MLIP: variants seen among roughly 807,000 people sequenced by gnomAD.
The protein encoded by MLIP is muscular LMNA interacting protein, also known as muscular LMNA-interacting protein.
In MLIP, 79 loss-of-function variants were observed where a neutral mutation model predicts 84.8. That is an observed-to-expected ratio of 0.93 (90% confidence interval 0.78 to 1.12). The LOEUF is 1.12. Ranked by LOEUF, MLIP falls within the 50% of genes most tolerant of loss-of-function variation. MLIP has a pLI of 0.00. For missense variants in MLIP, 1,257 were observed against 1,160.6 expected (o/e 1.08, Z -1.21); for synonymous variants, 504 against 463.0 (o/e 1.09, Z -1.14).
upstream of MLIP, among the ~76,000 whole-genome samples, chr6:54,107,704 C>T (rs188610280): frequency 4.3e-4 from 66 of 152,288 alleles, no homozygotes; most frequent in East Asian, 7.7e-4. Context: ...GCTCCCGTCA[C>T]GAGTGAAGGT....
In MLIP at chr6:54,139,017, G is replaced by A. The variant is rs553828576; in HGVS notation, c.2217+731G>A. Among the ~76,000 whole-genome samples the A allele has an allele frequency of 5.2e-4, 79 of 152,272 alleles. 1 individual carries two copies. The South Asian group carries it at 0.015, about 29-fold the overall frequency. On this transcript the variant is annotated intron_variant, in intron 4 of 13. Transcript: ENST00000502396. The stretch of plus-strand genomic sequence containing the variant: ...TCACTTTTCAGATGATGAATGTCAC[G>A]TTGAAGGGATAAAGTGACCCTCATT...
chr6:54,168,479 A>G (rs747880538), intron 8 of MLIP, among the ~76,000 whole-genome samples: 13 of 151,822 alleles, frequency 8.6e-5, no homozygotes, highest in Non-Finnish European at 1.2e-4. Context: ...TCTAACATAT[A>G]ATTCACGTAT....
chr6:54,115,904 T>G (rs1383774400), intron 1 of MLIP, among the ~76,000 whole-genome samples: 1 of 152,218 alleles, frequency 6.6e-6, no homozygotes, highest in Non-Finnish European at 1.5e-5. Flanking sequence ...GAACCATGTT[T>G]TAGTTATAAC....
chr6:54,114,935 G>A (rs971361838), intron 1 of MLIP, among the ~76,000 whole-genome samples: 2 of 152,164 alleles, frequency 1.3e-5, no homozygotes, highest in Non-Finnish European at 2.9e-5. Context: ...GTGGTGTTGG[G>A]GGCCTTGAAA....
At chr6:54,263,751 T>C (rs1026458147) in intron 13 of MLIP, among the ~76,000 whole-genome samples, 4 of 152,090 alleles carry the variant, frequency 2.6e-5, no homozygotes, top group African/African-American at 9.7e-5. Context: ...AGTTTGACTG[T>C]GTTCCAGAAT....
At chr6:54,258,669 G>C (rs1335301648) in intron 13 of MLIP, among the ~76,000 whole-genome samples, 1 of 151,972 alleles carries the variant, frequency 6.6e-6, no homozygotes, top group East Asian at 1.9e-4. Flanking sequence ...AGTTTATTGA[G>C]AGGTTACTAT....
intron 11 of MLIP, among the ~76,000 whole-genome samples, chr6:54,224,210 C>A (rs1190982375): frequency 2.0e-5 from 3 of 151,680 alleles, no homozygotes; most frequent in Admixed American, 6.6e-5. Context: ...GTTAGTTAAA[C>A]AGATCAATAA....
chr6:54,138,382 T>C (rs1772009250), intron 4 of MLIP, 96 bp downstream of exon 4: 6 of 1,402,402 alleles, frequency 4.3e-6, no homozygotes, highest in South Asian at 1.5e-5. Context: ...ATAGTATTAA[T>C]TGTACTCCTA....
At chr6:54,098,811 C>T (rs1011882896) in intron 1 of MLIP, among the ~76,000 whole-genome samples, 4 of 152,080 alleles carry the variant, frequency 2.6e-5, no homozygotes, top group East Asian at 1.9e-4. Context: ...GTTCCAAAGG[C>T]GTATGTAACT....
At chr6:54,070,996 C>T (rs1766450178) in intron 1 of MLIP, among the ~76,000 whole-genome samples, 1 of 151,878 alleles carries the variant, frequency 6.6e-6, no homozygotes, top group East Asian at 1.9e-4. Context: ...CATCATGGAC[C>T]CATTGAATGC....
intron 10 of MLIP, among the ~76,000 whole-genome samples, chr6:54,198,811 G>A (rs1778470558): frequency 6.6e-6 from 1 of 152,036 alleles, no homozygotes; most frequent in Non-Finnish European, 1.5e-5. Context: ...GAGACACAGT[G>A]GGAATTTGAT....
chr6:54,189,605 A>C (rs1307252822), intron 9 of MLIP, among the ~76,000 whole-genome samples: 1 of 152,204 alleles, frequency 6.6e-6, no homozygotes, highest in African/African-American at 2.4e-5. Context: ...ATGTTAAGAA[A>C]ATGAGAAAGA....
intron 8 of MLIP, among the ~76,000 whole-genome samples, chr6:54,168,115 A>G (rs1330898711): frequency 2.6e-5 from 4 of 151,694 alleles, no homozygotes; most frequent in Non-Finnish European, 4.4e-5. Flanking sequence ...CAGATTTTTT[A>G]TTGTCCTTTA....
chr6:54,207,421 T>A (rs1204535662), intron 11 of MLIP, among the ~76,000 whole-genome samples: 1 of 90,152 alleles, frequency 1.1e-5, no homozygotes, highest in African/African-American at 3.5e-5. Flanking sequence ...CCCCCCCCCC[T>A]TTTTTGACAT....
At chr6:54,134,647 T>A (rs1410815520) in intron 3 of MLIP, among the ~76,000 whole-genome samples, 1 of 152,052 alleles carries the variant, frequency 6.6e-6, no homozygotes, top group African/African-American at 2.4e-5. Flanking sequence ...GAAGCCATAG[T>A]TTTGAGGAAA....
chr6:54,202,036 T>C, intron 10 of MLIP, 69 bp from the exon 11 acceptor site: 3 of 1,148,990 alleles, frequency 2.6e-6, no homozygotes, highest in Non-Finnish European at 3.5e-6. Context: ...GACTTAACAA[T>C]AAACATATTT....
At chr6:54,199,398 C>G (rs1002473734) in intron 10 of MLIP, among the ~76,000 whole-genome samples, 2 of 152,036 alleles carry the variant, frequency 1.3e-5, no homozygotes, top group African/African-American at 4.8e-5. Context: ...GATGATCTAT[C>G]TAAAATATTG....
intron 3 of MLIP, among the ~76,000 whole-genome samples, chr6:54,134,499 T>A (rs183108217): frequency 9.9e-5 from 15 of 151,932 alleles, no homozygotes; most frequent in Non-Finnish European, 1.9e-4. Flanking sequence ...ATGGTAAACA[T>A]CTTTAGACTT....
At chr6:54,207,271 TATC>T (rs1210390481) in intron 11 of MLIP, among the ~76,000 whole-genome samples, 6 of 152,144 alleles carry the variant, frequency 3.9e-5, no homozygotes, top group Admixed American at 1.3e-4. Context: ...ATAGACAAAT[TATC>T]ATCAGCACGA....
Sources: gnomAD v4.1 joint callset for allele counts (sites outside exome capture counted in the v4.1 genomes callset) on GRCh38, gnomAD v4.1.1 for gene constraint, MANE v1.5 for transcripts, NCBI Gene and HGNC (gene_info 2026-07-23, HGNC 2026-07-21) for gene names.